The following AFG2B variants were observed in gnomAD, a reference collection of about 807,000 sequenced individuals.
The protein encoded by AFG2B is AAA ATPase AFG2B.
the AFG2B span, chr15:45,416,912 G>A: frequency 6.2e-6 from 1 of 160,942 alleles, no homozygotes; most frequent in Non-Finnish European, 1.4e-5. Flanking sequence ...TTGGTCATAA[G>A]TATCTGTCTT....
At chr15:45,415,302 G>T in the AFG2B span, among the ~76,000 whole-genome samples, 1 of 152,068 alleles carries the variant, frequency 6.6e-6, no homozygotes, top group East Asian at 1.9e-4. Context: ...TTCAAGACCA[G>T]CCTGGCCAAC....
the AFG2B span, chr15:45,405,387 C>T: frequency 1.2e-6 from 2 of 1,613,994 alleles, no homozygotes; most frequent in African/African-American, 2.7e-5. Context: ...TCGAAGATGC[C>T]CATCTCCAGT....
chr15:45,408,362 T>A, the AFG2B span, among the ~76,000 whole-genome samples: 1 of 152,210 alleles, frequency 6.6e-6, no homozygotes, highest in Non-Finnish European at 1.5e-5. Context: ...TCTCCTCTTC[T>A]CTTTCTCTCT....
At chr15:45,410,642 T>G in the AFG2B span, 4 of 958,042 alleles carry the variant, frequency 4.2e-6, no homozygotes, top group Non-Finnish European at 5.9e-6. Flanking sequence ...ACTAATGTGA[T>G]CCTAACATCT....
the AFG2B span, chr15:45,405,293 C>CT: frequency 1.6e-5 from 25 of 1,575,716 alleles, no homozygotes; most frequent in East Asian, 2.2e-4. Flanking sequence ...ACTTCTTCTT[C>CT]TTTTTTTTGT....
At chr15:45,410,573 T>C in the AFG2B span, 1 of 1,540,492 alleles carries the variant, frequency 6.5e-7, no homozygotes, top group Non-Finnish European at 8.8e-7. Context: ...TATTACAGAT[T>C]AACATTCTGT....
At chr15:45,406,977 AAGC>A in the AFG2B span, 5 of 1,252,760 alleles carry the variant, frequency 4.0e-6, no homozygotes, top group African/African-American at 7.7e-5. Context: ...GACAATAAGT[AAGC>A]AGGAGATGGG....
chr15:45,414,152 A>G, the AFG2B span, among the ~76,000 whole-genome samples: 1 of 152,328 alleles, frequency 6.6e-6, no homozygotes, highest in Admixed American at 6.5e-5. Context: ...TTAACCAGGT[A>G]GTTAGGAAAG....
At chr15:45,407,308 C>G in the AFG2B span, 1 of 1,052,996 alleles carries the variant, frequency 9.5e-7, no homozygotes, top group East Asian at 6.3e-5. Context: ...TAAGGGATAC[C>G]TTACACTTTG....
At chr15:45,414,617 G>T in the AFG2B span, 1 of 1,614,116 alleles carries the variant, frequency 6.2e-7, no homozygotes, top group Non-Finnish European at 8.5e-7. Flanking sequence ...GTTAGAATGG[G>T]CCTGACACAA....
chr15:45,420,001 A>ACCCC, the AFG2B span, among the ~76,000 whole-genome samples: 704 of 83,588 alleles, frequency 8.4e-3, 44 homozygotes, highest in East Asian at 0.075. Flanking sequence ...CCCCCCCAAA[A>ACCCC]AAAAAAAAAA....
the AFG2B span, among the ~76,000 whole-genome samples, chr15:45,411,239 G>A: frequency 6.6e-6 from 1 of 152,192 alleles, no homozygotes; most frequent in East Asian, 1.9e-4. Context: ...TAGCACTTTA[G>A]AAGGCCGAGA....
At chr15:45,404,694 G>T in the AFG2B span, among the ~76,000 whole-genome samples, 3 of 151,460 alleles carry the variant, frequency 2.0e-5, no homozygotes, top group African/African-American at 7.3e-5. Context: ...TGTAGTTCTA[G>T]CTACTCTGGA....
At chr15:45,405,619 C>T in the AFG2B span, 4 of 966,430 alleles carry the variant, frequency 4.1e-6, no homozygotes, top group Non-Finnish European at 1.5e-6. Context: ...ATAGCTTCCA[C>T]AGCTGTTGCT....
the AFG2B span, chr15:45,414,690 G>T: frequency 6.2e-7 from 1 of 1,614,154 alleles, no homozygotes; most frequent in Non-Finnish European, 8.5e-7. Flanking sequence ...TGAGGGCCCT[G>T]GCCACAAGCT....
At chr15:45,420,261 C>G in the AFG2B span, among the ~76,000 whole-genome samples, 1 of 151,884 alleles carries the variant, frequency 6.6e-6, no homozygotes. Flanking sequence ...TACTTTTTTG[C>G]TATTATGAGT....
the AFG2B span, chr15:45,410,494 T>C: frequency 1.9e-5 from 30 of 1,612,032 alleles, no homozygotes; most frequent in Non-Finnish European, 2.5e-5. Flanking sequence ...GGGAGGAGAT[T>C]GGTGGCCTTG....
chr15:45,405,769 A>G, the AFG2B span, among the ~76,000 whole-genome samples: 1 of 152,220 alleles, frequency 6.6e-6, no homozygotes. Context: ...AGAGCAGCCA[A>G]GAAATAGTGT....
the AFG2B span, among the ~76,000 whole-genome samples, chr15:45,405,781 G>A: frequency 2.0e-5 from 3 of 152,028 alleles, no homozygotes; most frequent in Non-Finnish European, 4.4e-5. Context: ...AAATAGTGTG[G>A]CCCCAGAAGA....
Sources: allele counts gnomAD v4.1 joint callset (sites outside exome capture counted in the v4.1 genomes callset), GRCh38; gene constraint gnomAD v4.1.1; transcripts MANE v1.5; gene names NCBI Gene and HGNC (gene_info 2026-07-23, HGNC 2026-07-21).